The following PPM1A variants were observed in gnomAD, a reference collection of about 807,000 sequenced individuals.
The protein encoded by PPM1A is protein phosphatase 1A.
Under a neutral mutation model 35.0 loss-of-function variants are expected in PPM1A, and 7 were observed. That is an observed-to-expected ratio of 0.20 (90% CI 0.11 to 0.38). PPM1A has a LOEUF of 0.38. PPM1A is among the 10% of genes least tolerant of loss of function. The pLI is 1.00. For synonymous variants in PPM1A, 153 were observed against 167.3 expected, an observed-to-expected ratio of 0.91 and a Z score of 0.66; for missense variants, 239 against 467.8, an observed-to-expected ratio of 0.51 and a Z score of 4.51.
intron 1 of PPM1A, among the ~76,000 whole-genome samples, chr14:60,281,155 G>A (rs547395922): frequency 5.9e-5 from 9 of 152,210 alleles, no homozygotes; most frequent in East Asian, 1.9e-4. Flanking sequence ...TCATTATTAC[G>A]TTATCCTTTA....
Position 60,294,152 on chromosome 14 carries a change from C to A in PPM1A, c.*1670C>A, listed in dbSNP as rs1404263544. On this transcript the variant is annotated 3_prime_UTR_variant, in exon 6 of 6. Transcript: ENST00000395076. ...GAAATATACATATTTGTATATATAG[C>A]CTTAAAATTAATGTAAAGTTAGGGG... 4 of 151,626 alleles carry A rather than the reference C, an allele frequency of 2.6e-5. No individual in the cohort carries two copies. The highest frequency in any genetic ancestry group is 5.9e-5 in the Non-Finnish European group (4 of 67,796). 9.4% of individuals were successfully genotyped at this position (151,626 alleles called of 1,614,324 possible).
chr14:60,261,800 AT>A (rs1258853481), intron 1 of PPM1A, among the ~76,000 whole-genome samples: 1 of 152,208 alleles, frequency 6.6e-6, no homozygotes, highest in African/African-American at 2.4e-5. Flanking sequence ...TTCTGATTAG[AT>A]CAGAATTGTT....
intron 1 of PPM1A, among the ~76,000 whole-genome samples, chr14:60,280,531 T>C (rs1483272984): frequency 6.6e-6 from 1 of 152,230 alleles, no homozygotes; most frequent in Non-Finnish European, 1.5e-5. Context: ...ATTTTTTGAG[T>C]TTCACTCACG....
chr14:60,255,474 CAT>C (rs890551122), intron 1 of PPM1A, among the ~76,000 whole-genome samples: 2 of 152,128 alleles, frequency 1.3e-5, no homozygotes, highest in Non-Finnish European at 2.9e-5. Flanking sequence ...CCCGGCCTAT[CAT>C]ATGTTTTACC....
At position 60,296,866 on chromosome 14, in the gene PPM1A, A is replaced by T. The variant is rs1888098604; in HGVS notation, c.*4384A>T. On this transcript the variant is annotated 3_prime_UTR_variant, in exon 6 of 6. Transcript: ENST00000395076. This position sits in a 1 kb window ranked among gnomAD's most constrained non-coding sequence, Gnocchi z 4.4. ...AAATGAACGTTTTCTAATTTTGTTC[A>T]CAGATTCTTTCCCTTTCGATTGTTC... 3.3e-6 allele frequency: 1 copy of T among 305,360 alleles called. No homozygotes were observed. The highest frequency in any genetic ancestry group is 6.0e-6 in the Non-Finnish European group (1 of 165,436). The allele number at this position is 305,360 out of a possible 1,614,324, so 18.9% of individuals were successfully genotyped here. A position where few individuals can be genotyped will look rare whatever the true frequency, so the allele number is the denominator to read the frequency against.
At position 60,289,397 on chromosome 14, in the gene PPM1A, T is replaced by G. The variant is rs1887387125; in HGVS notation, c.953-409T>G. 6.6e-6 allele frequency among the ~76,000 whole-genome samples: 1 copy of G among 152,122 alleles called. No homozygotes were observed. Among genetic ancestry groups the G allele is most frequent in the African/African-American group, 2.4e-5 (1 of 41,432 alleles). ...GGGTTGTTATTTTCAAATCTTGAAA[T>G]TGTTTATTTTTTAAAATTCCACGCA... On this transcript the variant is annotated intron_variant, in intron 3 of 5. Coordinates refer to ENST00000395076, the MANE Select transcript of PPM1A (RefSeq NM_021003.5). The surrounding 1 kb of genome is among the most constrained non-coding windows in gnomAD (Gnocchi z 4.1).
intron 2 of PPM1A, among the ~76,000 whole-genome samples, chr14:60,284,014 C>T (rs1886674870): frequency 6.6e-6 from 1 of 152,130 alleles, no homozygotes; most frequent in Non-Finnish European, 1.5e-5. Flanking sequence ...ATAGAAATAG[C>T]CTTGTACATG....
upstream of PPM1A, among the ~76,000 whole-genome samples, chr14:60,248,009 C>T (rs1881900261): frequency 6.6e-6 from 1 of 152,118 alleles, no homozygotes; most frequent in Admixed American, 6.5e-5. Flanking sequence ...AACTTCTTTT[C>T]CTGCGAATGT....
chr14:60,286,706 A>C (rs951054204), intron 3 of PPM1A: 1 of 983,816 alleles, frequency 1.0e-6, no homozygotes, highest in African/African-American at 1.8e-5. Flanking sequence ...TTACTGTTTG[A>C]TACCAATCAT....
Position 60,282,895 on chromosome 14 carries a change from T to C in PPM1A, c.192T>C (p.Gly64=). 1 of 1,614,224 alleles carries C rather than the reference T, an allele frequency of 6.2e-7. No homozygotes were observed. The highest frequency in any genetic ancestry group is 1.1e-5 in the South Asian group (1 of 91,090). ...TTGCTGTGTATGATGGGCATGCTGG[T>C]TCTCAGGTTGCCAAATACTGCTGTG... ...SFFAVYDGHA[G]SQVAKYCCEH... The change falls in exon 2 of 6, where the codon GGT becomes GGC. Residue 64 remains glycine (G), a synonymous_variant. Coordinates refer to ENST00000395076, the MANE Select transcript of PPM1A (RefSeq NM_021003.5). The surrounding 1 kb of genome is among the most constrained non-coding windows in gnomAD (Gnocchi z 5.1).
At position 60,298,707 on chromosome 14, in the gene PPM1A, A is replaced by G. The variant is rs1888246261; in HGVS notation, c.*6225A>G. The G allele has an allele frequency of 6.6e-6, 1 of 151,832 alleles. No individual in the cohort carries two copies. The highest frequency in any genetic ancestry group is 2.4e-5 in the African/African-American group (1 of 41,422). 9.4% of individuals were successfully genotyped at this position (151,832 alleles called of 1,614,324 possible). On this transcript the variant is annotated 3_prime_UTR_variant, in exon 6 of 6. Transcript: ENST00000395076. ...GTATAAATGTTATGAGTGGAGAGAC[A>G]TGTACATGTTAAAAGCATGTTGCAT...
intron 1 of PPM1A, among the ~76,000 whole-genome samples, chr14:60,266,623 T>G (rs1233888549): frequency 2.0e-5 from 3 of 152,200 alleles, no homozygotes; most frequent in African/African-American, 7.2e-5. Flanking sequence ...ATTGAATCTC[T>G]CTGTTCCCAG....
chr14:60,292,333 A>G lies in PPM1A; in HGVS notation c.1120-120A>G. 1.4e-6 allele frequency: 1 copy of G among 696,808 alleles called. No individual in the cohort carries two copies. Among genetic ancestry groups the G allele is most frequent in the African/African-American group, 1.8e-5 (1 of 55,524 alleles). The allele number at this position is 696,808 out of a possible 1,614,324, so 43.2% of individuals were successfully genotyped here. ...TATATACTTATATACTTTAAAAAAC[A>G]TTTATATTCTAAAAGTCATCTTTAC... On this transcript the variant is annotated intron_variant, in intron 5 of 5. Coordinates refer to ENST00000395076, the MANE Select transcript of PPM1A (RefSeq NM_021003.5). The surrounding 1 kb of genome is among the most constrained non-coding windows in gnomAD (Gnocchi z 4.2).
At chr14:60,246,881 A>G (rs182942947), upstream of PPM1A, among the ~76,000 whole-genome samples, 106 of 152,206 alleles carry the variant, frequency 7.0e-4, no homozygotes, top group Admixed American at 1.9e-3. Flanking sequence ...TTCTGTTCAT[A>G]TTTTCTATTT....
rs547520692 is a variant in PPM1A at position 60,296,725 on chromosome 14, A to G, written c.*4243A>G. The G allele has an allele frequency of 5.1e-5, 18 of 349,690 alleles. No homozygotes were observed. The highest frequency in any genetic ancestry group is 7.4e-4 in the Middle Eastern group (1 of 1,350). 21.7% of individuals were successfully genotyped at this position (349,690 alleles called of 1,614,324 possible). A position where few individuals can be genotyped will look rare whatever the true frequency, so the allele number is the denominator to read the frequency against. ...ATTTAAGAATACATTTTCAAAATGT[A>G]TAATACTGTATTGTTTTGTTGATCA... On this transcript the variant is annotated 3_prime_UTR_variant, in exon 6 of 6. Coordinates refer to ENST00000395076, the MANE Select transcript of PPM1A (RefSeq NM_021003.5). This position sits in a 1 kb window ranked among gnomAD's most constrained non-coding sequence, Gnocchi z 4.4.
intron 1 of PPM1A, chr14:60,250,380 A>G (rs1882240286): frequency 3.1e-6 from 3 of 979,004 alleles, no homozygotes; most frequent in South Asian, 4.7e-5. Flanking sequence ...CTGCTTGTAG[A>G]TTTTAAATAA....
chr14:60,249,677 G>A lies in PPM1A; in HGVS notation c.-21G>A. 2 of 984,300 alleles carry A rather than the reference G, an allele frequency of 2.0e-6. No homozygotes were observed. The highest frequency in any genetic ancestry group is 2.4e-6 in the Non-Finnish European group (2 of 829,568). 61.0% of individuals were successfully genotyped at this position (984,300 alleles called of 1,614,324 possible). On this transcript the variant is annotated splice_region_variant and 5_prime_UTR_variant, in exon 1 of 6. Transcript: ENST00000395076. This position sits in a 1 kb window ranked among gnomAD's most constrained non-coding sequence, Gnocchi z 4.5. Reference sequence around the variant, plus strand: ...GACCTGCCCGCCTGCGGCTGCTCCGGGTAAGTGCGGCGCTCGGGCCGACGG... The same window carrying A: ...GACCTGCCCGCCTGCGGCTGCTCCGAGTAAGTGCGGCGCTCGGGCCGACGG...
At chr14:60,291,213 T>TC (rs1289595157) in intron 4 of PPM1A, among the ~76,000 whole-genome samples, 184 bp from the exon 5 acceptor site, 2 of 152,138 alleles carry the variant, frequency 1.3e-5, no homozygotes, top group Admixed American at 6.6e-5. Context: ...TAGACTCACC[T>TC]CTGCTTTAAC....
chr14:60,263,216 C>CA (rs971295894), intron 1 of PPM1A, among the ~76,000 whole-genome samples: 61 of 147,666 alleles, frequency 4.1e-4, no homozygotes, highest in South Asian at 3.0e-3. Context: ...GACTCCGTCT[C>CA]AAAAAAAAAA....
Sources: gnomAD v4.1 joint callset for allele counts (sites outside exome capture counted in the v4.1 genomes callset) on GRCh38, gnomAD v4.1.1 for gene constraint, Gnocchi (gnomAD v3.1) non-coding constraint, MANE v1.5 for transcripts, NCBI Gene and HGNC (gene_info 2026-07-23, HGNC 2026-07-21) for gene names.